The following PHF3 variants were observed in gnomAD, a reference collection of about 807,000 sequenced individuals.
The protein encoded by PHF3 is PHD finger protein 3.
Under a neutral mutation model 178.4 loss-of-function variants are expected in PHF3, and 41 were observed. That is an observed-to-expected ratio of 0.23 (90% CI 0.18 to 0.30). The LOEUF (loss-of-function observed/expected upper bound fraction) is 0.30, where lower values mean the gene tolerates loss of function less well. Ranked by LOEUF, PHF3 falls within the 10% of genes least tolerant of loss-of-function variation. PHF3 has a pLI of 1.00. For missense variants in PHF3, 2,346 were observed against 2,398.1 expected (o/e 0.98, Z 0.45); for synonymous variants, 842 against 800.5 (o/e 1.05, Z -0.88).
In PHF3 at chr6:63,721,610, C is replaced by G. The variant is rs1768394394; in HGVS notation, c.*7902C>G. ...CCAGAGAACTCATTTTAGTGGAGGC[C>G]TTTTCTGTTACATTTATCCCATCTA... On this transcript the variant is annotated 3_prime_UTR_variant, in exon 16 of 16. Transcript: ENST00000262043. 6.4e-7 allele frequency: 1 copy of G among 1,551,238 alleles called. No homozygotes were observed. The highest frequency in any genetic ancestry group is 2.0e-5 in the Admixed American group (1 of 50,942).
rs1334192444 is a variant in PHF3, at chr6:63,684,752, A to G, written c.1030A>G (p.Ile344Val). ...HILEDAGSSD[I>V]SSDAACTNPN... ...TCTTGAGGACGCTGGATCTTCTGATATTTCTAGTGATGCTGCTTGTACAAA... is the reference window on the plus strand; with the variant it reads ...TCTTGAGGACGCTGGATCTTCTGATGTTTCTAGTGATGCTGCTTGTACAAA... Residue 344 changes from isoleucine (I) to valine (V), a missense_variant, in exon 4 of 16, where the codon ATT becomes GTT. Physicochemically the swap from Ile to Val is conservative, Grantham distance 29 (BLOSUM62 3). Around this residue, in one of 8 missense-constraint regions of PHF3, gnomAD observed 843 missense variants for 795.2 expected, o/e 1.06. Transcript: ENST00000262043. 1 of 1,614,034 alleles carries G rather than the reference A, an allele frequency of 6.2e-7. No individual in the cohort carries two copies. The highest frequency in any genetic ancestry group is 8.5e-7 in the Non-Finnish European group (1 of 1,179,906).
Position 63,636,076 on chromosome 6 carries a change from T to A in PHF3, c.-100T>A. On this transcript the variant is annotated 5_prime_UTR_variant, in exon 1 of 16. Transcript: ENST00000262043. The stretch of plus-strand genomic sequence containing the variant: ...CCGCGGCACCCACCGGGCCCCCTCC[T>A]CCTCCTCTTCGGCGGCGGCAGCGTC... 2.6e-6 allele frequency: 1 copy of A among 392,102 alleles called. No individual in the cohort carries two copies. The highest frequency in any genetic ancestry group is 1.4e-4 in the South Asian group (1 of 7,190). 24.3% of individuals were successfully genotyped at this position (392,102 alleles called of 1,614,324 possible).
intron 11 of PHF3, 118 bp from the exon 12 acceptor site, chr6:63,705,911 A>G (rs1205957497): frequency 1.1e-5 from 8 of 706,180 alleles, no homozygotes; most frequent in Admixed American, 8.8e-5. Flanking sequence ...ACCCCAGGAA[A>G]TGTATGGTTA....
chr6:63,717,761 T>G lies in PHF3; in HGVS notation c.*4053T>G, dbSNP rs1768233194. ...GTGTGCATGTCCATGTGTGTATATATACATATATGTTAGCCCAAGCTGTCT... is the reference window on the plus strand; with the variant it reads ...GTGTGCATGTCCATGTGTGTATATAGACATATATGTTAGCCCAAGCTGTCT... On this transcript the variant is annotated 3_prime_UTR_variant, in exon 16 of 16. Transcript: ENST00000262043. Among the ~76,000 whole-genome samples, 1 of 152,072 alleles carries G rather than the reference T, an allele frequency of 6.6e-6. No homozygotes were observed. Among genetic ancestry groups the G allele is most frequent in the East Asian group, 1.9e-4 (1 of 5,204 alleles).
chr6:63,685,492 G>C lies in PHF3; in HGVS notation c.1770G>C (p.Lys590Asn). The C allele has an allele frequency of 8.1e-6, 13 of 1,614,014 alleles. No individual in the cohort carries two copies. The highest frequency in any genetic ancestry group is 1.1e-5 in the Non-Finnish European group (13 of 1,180,008). Residue 590 changes from lysine (K) to asparagine (N), a missense_variant, in exon 4 of 16, where the codon AAG (lysine) becomes AAC (asparagine). Physicochemically the swap from Lys to Asn is moderately conservative, Grantham distance 94 (BLOSUM62 0). Around this residue, in one of 8 missense-constraint regions of PHF3, gnomAD observed 843 missense variants for 795.2 expected, o/e 1.06. Transcript: ENST00000262043. ...LQDQTLVQIFKPLTHSLSDKS... is the reference protein window; with the variant it reads ...LQDQTLVQIFNPLTHSLSDKS... ...ATCAAACTTTAGTACAAATTTTCAA[G>C]CCCTTAACTCATTCTTTGAGTGATA...
chr6:63,668,145 G>C (rs1236754645), intron 2 of PHF3, among the ~76,000 whole-genome samples: 3 of 152,088 alleles, frequency 2.0e-5, no homozygotes, highest in African/African-American at 7.2e-5. Context: ...ACATTTATTT[G>C]CTGCATTCTG....
intron 13 of PHF3, 92 bp downstream of exon 13, chr6:63,706,968 G>T: frequency 3.7e-6 from 4 of 1,070,228 alleles, no homozygotes; most frequent in Non-Finnish European, 5.5e-6. Context: ...GTTAGTAATA[G>T]AAATATTTAT....
At position 63,692,020 on chromosome 6, in the gene PHF3, C is replaced by A; in HGVS notation, c.2473C>A (p.His825Asn). ...CAAATATATAGATGATACAGTGAAGCACAAGGTCAAAATTTTAAAACGGGT... is the reference window on the plus strand; with the variant it reads ...CAAATATATAGATGATACAGTGAAGAACAAGGTCAAAATTTTAAAACGGGT... The part of the protein sequence containing the change: ...RTKYIDDTVK[H>N]KVKILKRESG... The change falls in exon 5 of 16, where the codon CAC becomes AAC. Residue 825 changes from histidine to asparagine, a missense_variant. This residue lies in a region of PHF3 where 252 missense variants were observed against 232.0 expected (regional missense o/e 1.09). Coordinates refer to ENST00000262043, the MANE Select transcript of PHF3 (RefSeq NM_001370348.2). 6.2e-7 allele frequency: 1 copy of A among 1,606,320 alleles called. No homozygotes were observed. Among genetic ancestry groups the A allele is most frequent in the South Asian group, 1.1e-5 (1 of 90,200 alleles).
At chr6:63,660,126 T>G (rs1765404129) in intron 2 of PHF3, among the ~76,000 whole-genome samples, 1 of 152,052 alleles carries the variant, frequency 6.6e-6, no homozygotes, top group South Asian at 2.1e-4. Flanking sequence ...TATGTGTGTT[T>G]GTAGGAAAGA....
chr6:63,683,487 C>A, intron 3 of PHF3, among the ~76,000 whole-genome samples: 1 of 151,900 alleles, frequency 6.6e-6, no homozygotes, highest in East Asian at 1.9e-4. Flanking sequence ...GATACATTTG[C>A]TTGGTTTAAG....
chr6:63,665,486 G>GTTTTT (rs11427203), intron 2 of PHF3, among the ~76,000 whole-genome samples: 28 of 111,210 alleles, frequency 2.5e-4, no homozygotes, highest in East Asian at 5.3e-4. Flanking sequence ...GTTTTTTTTT[G>GTTTTT]TTTTTTTTTT....
chr6:63,706,242 A>G lies in PHF3; in HGVS notation c.3563+18A>G, dbSNP rs193200239. 605 of 1,578,284 alleles carry G rather than the reference A, an allele frequency of 3.8e-4. 1 individual carries two copies. Among genetic ancestry groups the G allele is most frequent in the Non-Finnish European group, 4.9e-4 (567 of 1,155,004 alleles). ...GCTCCACGGTAATTTTCTCTGTTGT[A>G]AATTCTGTAATACTCATTATAGATC... is the stretch of plus-strand genomic sequence containing the variant. On this transcript the variant is annotated intron_variant, in intron 12 of 15. Transcript: ENST00000262043.
Position 63,704,881 on chromosome 6 carries a change from G to T in PHF3, c.3368-1148G>T, listed in dbSNP as rs571374501. Among the ~76,000 whole-genome samples the T allele has an allele frequency of 9.9e-5, 15 of 152,228 alleles. 1 individual carries two copies. In the South Asian group the frequency reaches 3.1e-3, roughly 32 times the overall value. ...CCAGCAACGAATCAGAGTTCATTTTGCCTTCCCGCCAGCAATGAATGAGAG... is the reference window on the plus strand; with the variant it reads ...CCAGCAACGAATCAGAGTTCATTTTTCCTTCCCGCCAGCAATGAATGAGAG... On this transcript the variant is annotated intron_variant, in intron 11 of 15. Transcript: ENST00000262043.
At position 63,717,241 on chromosome 6, in the gene PHF3, A is replaced by T. The variant is rs1400583612; in HGVS notation, c.*3533A>T. Among the ~76,000 whole-genome samples, 1 of 152,048 alleles carries T rather than the reference A, an allele frequency of 6.6e-6. No homozygotes were observed. The highest frequency in any genetic ancestry group is 1.5e-5 in the Non-Finnish European group (1 of 67,960). On this transcript the variant is annotated 3_prime_UTR_variant, in exon 16 of 16. Transcript: ENST00000262043. ...CTGTTGTTCCTAAGTTTTTAATAGT[A>T]GCTGTGTTTTTAAAGTTTATGAACC... is the stretch of plus-strand genomic sequence containing the variant.
intron 2 of PHF3, among the ~76,000 whole-genome samples, chr6:63,663,118 A>G (rs1347886763): frequency 6.6e-6 from 1 of 152,220 alleles, no homozygotes; most frequent in Non-Finnish European, 1.5e-5. Context: ...AATTAGCCTC[A>G]TAATTACTAA....
chr6:63,693,147 G>C (rs190545367), intron 5 of PHF3, among the ~76,000 whole-genome samples: 66 of 152,248 alleles, frequency 4.3e-4, no homozygotes, highest in African/African-American at 1.5e-3. Flanking sequence ...ATATGGATCT[G>C]AGAGCCACAA....
Position 63,691,834 on chromosome 6 carries a change from G to T in PHF3, c.2287G>T (p.Glu763Ter). ...ACAGCAGATGGGCGAGGAAGACAAA[G>T]AATATGTCTGTGTAAAATGTTGTGC... ...QAQQMGEEDK[E>*]YVCVKCCAEE... Residue 763 changes from glutamate to a stop codon, truncating the protein, a stop_gained, in exon 5 of 16, where the codon GAA (glutamate) becomes TAA (stop). Coordinates refer to ENST00000262043, the MANE Select transcript of PHF3 (RefSeq NM_001370348.2). LOFTEE classifies it high-confidence loss of function. 1 of 1,613,528 alleles carries T rather than the reference G, an allele frequency of 6.2e-7. No homozygotes were observed. Among genetic ancestry groups the T allele is most frequent in the Non-Finnish European group, 8.5e-7 (1 of 1,179,668 alleles).
rs1766605933 is a variant in PHF3 at position 63,684,830 on chromosome 6, G to A, written c.1108G>A (p.Val370Met). The change falls in exon 4 of 16, where the codon GTG becomes ATG. Residue 370 changes from valine to methionine, a missense_variant. Val to Met is a conservative substitution (Grantham distance 21). This residue lies in a region of PHF3 where 843 missense variants were observed against 795.2 expected (regional missense o/e 1.06). Coordinates refer to ENST00000262043, the MANE Select transcript of PHF3 (RefSeq NM_001370348.2). ...AGGTTTGCCTAGTTGTGTAGATGAA[G>A]TGACTGAATGTAATTTGGAATTGAA... ...LVGLPSCVDE[V>M]TECNLELKDT... 1 of 1,613,800 alleles carries A rather than the reference G, an allele frequency of 6.2e-7. No individual in the cohort carries two copies. Among genetic ancestry groups the A allele is most frequent in the Non-Finnish European group, 8.5e-7 (1 of 1,179,826 alleles).
At chr6:63,646,894 T>G in intron 2 of PHF3, 99 bp downstream of exon 2, 1 of 965,130 alleles carries the variant, frequency 1.0e-6, no homozygotes, top group Non-Finnish European at 1.4e-6. Context: ...CTTTTTTTTT[T>G]TTTTAATGAG....
Sources: gnomAD v4.1 joint callset for allele counts (sites outside exome capture counted in the v4.1 genomes callset) on GRCh38, gnomAD v4.1.1 for gene constraint, gnomAD v4.1.1 regional missense constraint, MANE v1.5 for transcripts, NCBI Gene and HGNC (gene_info 2026-07-23, HGNC 2026-07-21) for gene names.